PLCB1: variants seen among roughly 807,000 people sequenced by gnomAD.
PLCB1 encodes phospholipase C beta 1, also known as 1-phosphatidylinositol 4,5-bisphosphate phosphodiesterase beta-1.
In PLCB1, 46 loss-of-function variants were observed where a neutral mutation model predicts 161.8. That is an observed-to-expected ratio of 0.28 (90% CI 0.22 to 0.36). The LOEUF (loss-of-function observed/expected upper bound fraction) is 0.36. Ranked by LOEUF, PLCB1 falls within the 10% of genes least tolerant of loss-of-function variation. PLCB1 has a pLI of 1.00. For missense variants in PLCB1, 1,016 were observed against 1,472.5 expected, an observed-to-expected ratio of 0.69 and a Z score of 5.07; for synonymous variants, 517 against 503.7, an observed-to-expected ratio of 1.03 and a Z score of -0.35.
chr20:8,255,828 C>T (rs6086378), intron 2 of PLCB1, among the ~76,000 whole-genome samples: 33,386 of 151,950 alleles, frequency 0.22, 4,123 homozygotes, highest in Non-Finnish European at 0.28. Flanking sequence ...TTTTTACATA[C>T]ATCATCATGA....
chr20:8,600,264 A>G, intron 3 of PLCB1, among the ~76,000 whole-genome samples: 1 of 120,404 alleles, frequency 8.3e-6, no homozygotes, highest in Non-Finnish European at 1.8e-5. Flanking sequence ...ATGGTGATGT[A>G]CAGATGGGTT....
chr20:8,672,263 G>C (rs1013160391), intron 9 of PLCB1, among the ~76,000 whole-genome samples: 2 of 152,164 alleles, frequency 1.3e-5, no homozygotes, highest in Non-Finnish European at 2.9e-5. Flanking sequence ...CAGAGTTACT[G>C]TGAGGATAAA....
rs1364374179 is a variant in PLCB1, at chr20:8,463,179, G to GTGTGTGTGTGTC, written c.246+91732_246+91733insGTGTGTGTCTGT. Reference sequence around the variant, plus strand: ...TGTGTGTGTGTGTGTGTGTGTGTGTGTGTCTGTGTATGTGTGTGTGCTCCT... The same window carrying GTGTGTGTGTGTC: ...TGTGTGTGTGTGTGTGTGTGTGTGTGTGTGTGTGTGTCTGTCTGTGTATGTGTGTGTGCTCCT... On this transcript the variant is annotated intron_variant, in intron 3 of 31. Transcript: ENST00000338037. Among the ~76,000 whole-genome samples the GTGTGTGTGTGTC allele has an allele frequency of 2.1e-5, 3 of 143,006 alleles. No homozygotes were observed. The East Asian group carries it at 6.0e-4, about 28-fold the overall frequency. 93.8% of individuals were successfully genotyped at this position (143,006 alleles called of 152,430 possible).
intron 3 of PLCB1, among the ~76,000 whole-genome samples, chr20:8,605,603 G>C (rs958227871): frequency 4.5e-5 from 6 of 133,066 alleles, no homozygotes; most frequent in Non-Finnish European, 9.8e-5. Context: ...TTTATGTTTG[G>C]TGTTTTCTTT....
chr20:8,251,987 G>A (rs1981167305), intron 2 of PLCB1, among the ~76,000 whole-genome samples: 2 of 151,942 alleles, frequency 1.3e-5, no homozygotes, highest in Non-Finnish European at 1.5e-5. Context: ...AAGGTAGGAA[G>A]CCCTGAAGGA....
At chr20:8,448,367 G>A (rs898710160) in intron 3 of PLCB1, among the ~76,000 whole-genome samples, 2 of 151,992 alleles carry the variant, frequency 1.3e-5, no homozygotes, top group African/African-American at 2.4e-5. Context: ...ATAGCTTTTC[G>A]TAGATACTCA....
At chr20:8,796,777 C>T (rs1984046518) in intron 31 of PLCB1, among the ~76,000 whole-genome samples, 1 of 152,188 alleles carries the variant, frequency 6.6e-6, no homozygotes, top group African/African-American at 2.4e-5. Flanking sequence ...CCACTGGTCC[C>T]TCATCAGTTT....
intron 2 of PLCB1, among the ~76,000 whole-genome samples, chr20:8,227,531 G>A (rs973954120): frequency 6.6e-6 from 1 of 152,076 alleles, no homozygotes; most frequent in Admixed American, 6.6e-5. Context: ...GCAGCTGCTC[G>A]ATGCCTTGCC....
intron 11 of PLCB1, among the ~76,000 whole-genome samples, chr20:8,698,311 T>C (rs1990625074): frequency 6.6e-6 from 1 of 152,196 alleles, no homozygotes; most frequent in Non-Finnish European, 1.5e-5. Context: ...TACAAATTTA[T>C]ATGCAGCCCT....
rs60079589 is a variant in PLCB1, at chr20:8,324,199, GGTGTGTGTGTGTGT to G, written c.178-47155_178-47142del. The stretch of plus-strand genomic sequence containing the variant: ...AGTTCACAGTCTCTAAACTGGTAGG[GGTGTGTGTGTGTGT>G]GTGTGTGTGTGTGTGTGTGTGTGTG... On this transcript the variant is annotated intron_variant, in intron 2 of 31. Transcript: ENST00000338037. Among the ~76,000 whole-genome samples the G allele has an allele frequency of 9.0e-3, 1,321 of 147,104 alleles. 17 individuals carry two copies. Among genetic ancestry groups the G allele is most frequent in the African/African-American group, 0.031 (1,217 of 39,878 alleles).
In PLCB1 at chr20:8,881,931, G is replaced by A; in HGVS notation, c.*82G>A. 1 of 913,466 alleles carries A rather than the reference G, an allele frequency of 1.1e-6. No individual in the cohort carries two copies. The allele number at this position is 913,466 out of a possible 1,614,324, so 56.6% of individuals were successfully genotyped here. On this transcript the variant is annotated 3_prime_UTR_variant, in exon 32 of 32. Transcript: ENST00000338037. ...TCTTATTACAAAGATCACTGCCCAG[G>A]ACCATCTTCCCGAGAAGCATCCCTT...
intron 31 of PLCB1, among the ~76,000 whole-genome samples, chr20:8,867,005 T>C (rs528953141): frequency 6.6e-6 from 1 of 152,280 alleles, no homozygotes; most frequent in Admixed American, 6.5e-5. Flanking sequence ...TCTTGAAATA[T>C]ACATTTATAA....
intron 3 of PLCB1, among the ~76,000 whole-genome samples, chr20:8,455,269 G>T (rs1259910253): frequency 6.8e-6 from 1 of 146,058 alleles, no homozygotes; most frequent in Middle Eastern, 3.6e-3. Context: ...TGGAGGTTGC[G>T]ATGAGCCGAG....
At chr20:8,140,683 G>A (rs568784855) in intron 1 of PLCB1, among the ~76,000 whole-genome samples, 50 of 152,222 alleles carry the variant, frequency 3.3e-4, no homozygotes, top group African/African-American at 1.1e-3. Context: ...AAGTAGATCT[G>A]GAATAGGAAT....
At chr20:8,753,690 C>A (rs1981596407) in intron 23 of PLCB1, among the ~76,000 whole-genome samples, 1 of 152,184 alleles carries the variant, frequency 6.6e-6, no homozygotes. Context: ...TTGGCAACTT[C>A]TGGGCCAAAT....
intron 2 of PLCB1, among the ~76,000 whole-genome samples, chr20:8,193,636 T>A (rs2123112766): frequency 6.6e-6 from 1 of 152,144 alleles, no homozygotes. Flanking sequence ...AAACTTTTTA[T>A]ACTTCATAAT....
At chr20:8,330,184 T>C (rs899928710) in intron 2 of PLCB1, among the ~76,000 whole-genome samples, 2 of 152,202 alleles carry the variant, frequency 1.3e-5, no homozygotes, top group Non-Finnish European at 2.9e-5. Flanking sequence ...TATAATTGCT[T>C]ATCACGTGCC....
In PLCB1 at chr20:8,685,104, C is replaced by G. The variant is rs2273189; in HGVS notation, c.1009+26C>G. The G allele has an allele frequency of 0.079, 126,351 of 1,603,624 alleles. 7,615 individuals are homozygous for G. The highest frequency in any genetic ancestry group is 0.34 in the East Asian group (15,245 of 44,658). Reference sequence around the variant, plus strand: ...GTATGAATTTTCTAGTTCTTTGTTACTTTAGCCAGTCTCACCAAATTTCAC... The same window carrying G: ...GTATGAATTTTCTAGTTCTTTGTTAGTTTAGCCAGTCTCACCAAATTTCAC... On this transcript the variant is annotated intron_variant, in intron 10 of 31. Transcript: ENST00000338037.
At chr20:8,563,009 T>C (rs1185916086) in intron 3 of PLCB1, among the ~76,000 whole-genome samples, 1 of 151,990 alleles carries the variant, frequency 6.6e-6, no homozygotes, top group Non-Finnish European at 1.5e-5. Context: ...TAAAAGTGAA[T>C]CCTTTTGTAG....
Sources: allele counts gnomAD v4.1 joint callset (sites outside exome capture counted in the v4.1 genomes callset), GRCh38; gene constraint gnomAD v4.1.1; transcripts MANE v1.5; gene names NCBI Gene and HGNC (gene_info 2026-07-23, HGNC 2026-07-21).